The following EXT1 variants were observed in gnomAD, a reference collection of about 807,000 sequenced individuals.
EXT1 encodes exostosin-1.
A neutral mutation model predicts 82.5 loss-of-function variants in EXT1; 20 were observed. The observed-to-expected ratio is 0.24, with a 90% CI of 0.17 to 0.35. EXT1 has a LOEUF of 0.35. EXT1 is among the 10% of genes least tolerant of loss of function. The pLI, the probability that EXT1 is intolerant of heterozygous loss-of-function variation, is 1.00. For missense variants in EXT1, 757 were observed against 936.5 expected, an observed-to-expected ratio of 0.81 and a Z score of 2.50; for synonymous variants, 348 against 350.8, an observed-to-expected ratio of 0.99 and a Z score of 0.09.
rs566426617 is a variant in EXT1, at chr8:117,991,137, C to T, written c.962+118948G>A. On this transcript the variant is annotated intron_variant, in intron 1 of 10. Coordinates refer to ENST00000378204, the MANE Select transcript of EXT1 (RefSeq NM_000127.3). ...TTTTTTTTTTTTTTAGATGGACCCT[C>T]GCTCTGTCACCCAGACTAGATGGAG... 2.8e-4 allele frequency among the ~76,000 whole-genome samples: 43 copies of T among 151,242 alleles called. 1 individual carries two copies. In the South Asian group the frequency reaches 6.7e-3, roughly 24 times the overall value.
chr8:117,811,719 C>T (rs1430588445), intron 8 of EXT1, among the ~76,000 whole-genome samples: 5 of 151,758 alleles, frequency 3.3e-5, no homozygotes, highest in African/African-American at 7.3e-5. Flanking sequence ...TAGGTTCAAG[C>T]GATTCTCCTG....
intron 1 of EXT1, among the ~76,000 whole-genome samples, chr8:117,852,044 T>C (rs1046138108): frequency 2.0e-5 from 3 of 152,226 alleles, no homozygotes; most frequent in Non-Finnish European, 2.9e-5. Flanking sequence ...TTATGTCCAT[T>C]TGGCCATTTG....
chr8:117,944,724 A>G (rs1814353270), intron 1 of EXT1, among the ~76,000 whole-genome samples: 1 of 151,992 alleles, frequency 6.6e-6, no homozygotes. Flanking sequence ...AGAACAGGCA[A>G]TTTTCATTAC....
intron 1 of EXT1, among the ~76,000 whole-genome samples, chr8:118,065,488 T>C (rs1399899786): frequency 2.0e-5 from 3 of 152,162 alleles, no homozygotes; most frequent in African/African-American, 7.2e-5. Flanking sequence ...TTTCACAAAG[T>C]TGCATCAAAA....
chr8:118,017,997 T>C (rs1027992323), intron 1 of EXT1, among the ~76,000 whole-genome samples: 2 of 152,250 alleles, frequency 1.3e-5, no homozygotes, highest in African/African-American at 2.4e-5. Flanking sequence ...AAGGGGATTA[T>C]AGTGCTATTC....
At position 118,111,507 on chromosome 8, in the gene EXT1, G is replaced by C; in HGVS notation, c.-461C>G. 2.0e-6 allele frequency: 1 copy of C among 491,620 alleles called. No homozygotes were observed. The highest frequency in any genetic ancestry group is 3.6e-6 in the Non-Finnish European group (1 of 281,448). 30.5% of individuals were successfully genotyped at this position (491,620 alleles called of 1,614,324 possible). Reference sequence around the variant, plus strand: ...CAACTCATCCACCACTCTCCGTGCAGAGCACTCCGGTTCCAACAAGTCAGC... The same window carrying C: ...CAACTCATCCACCACTCTCCGTGCACAGCACTCCGGTTCCAACAAGTCAGC... On this transcript the variant is annotated 5_prime_UTR_variant, in exon 1 of 11. Coordinates refer to ENST00000378204, the MANE Select transcript of EXT1 (RefSeq NM_000127.3).
At chr8:118,054,648 G>A (rs1249446084) in intron 1 of EXT1, among the ~76,000 whole-genome samples, 4 of 152,156 alleles carry the variant, frequency 2.6e-5, no homozygotes, top group Non-Finnish European at 4.4e-5. Context: ...AGGTAAAGGA[G>A]TTCAAAAGCT....
intron 7 of EXT1, among the ~76,000 whole-genome samples, chr8:117,816,588 T>C (rs1402966803): frequency 1.3e-5 from 2 of 152,162 alleles, no homozygotes; most frequent in Non-Finnish European, 2.9e-5. Context: ...GGGGCCTGAA[T>C]ATAGATGCAG....
At chr8:117,987,306 T>A (rs1295240671) in intron 1 of EXT1, among the ~76,000 whole-genome samples, 2 of 152,206 alleles carry the variant, frequency 1.3e-5, no homozygotes, top group African/African-American at 4.8e-5. Context: ...TTTCTTTCAG[T>A]GACCAGACAC....
At chr8:117,846,656 C>T (rs1812367002) in intron 1 of EXT1, among the ~76,000 whole-genome samples, 1 of 152,100 alleles carries the variant, frequency 6.6e-6, no homozygotes, top group Non-Finnish European at 1.5e-5. Flanking sequence ...CACACAGGCC[C>T]AATGGTGATG....
At chr8:117,901,336 C>A (rs1233053162) in intron 1 of EXT1, among the ~76,000 whole-genome samples, 1 of 152,122 alleles carries the variant, frequency 6.6e-6, no homozygotes, top group Non-Finnish European at 1.5e-5. Flanking sequence ...TGTGTATCAA[C>A]ACATATCTAA....
rs1268352436 is a variant in EXT1 at position 117,968,578 on chromosome 8, T to A, written c.963-131377A>T. 2.6e-5 allele frequency among the ~76,000 whole-genome samples: 2 copies of A among 77,776 alleles called. 1 individual carries two copies. 51.0% of individuals were successfully genotyped at this position (77,776 alleles called of 152,430 possible). ...ATTTTTTTTTTTTTTTTTTTTTTTT[T>A]TTTTTTTTTGAGACGGAGTCTCACT... On this transcript the variant is annotated intron_variant, in intron 1 of 10. Coordinates refer to ENST00000378204, the MANE Select transcript of EXT1 (RefSeq NM_000127.3).
intron 1 of EXT1, among the ~76,000 whole-genome samples, chr8:117,848,220 C>T (rs544022796): frequency 6.6e-6 from 1 of 152,302 alleles, no homozygotes; most frequent in East Asian, 1.9e-4. Flanking sequence ...TGGGACATAA[C>T]ATTTGGGTTA....
At chr8:117,871,771 C>A (rs935387514) in intron 1 of EXT1, among the ~76,000 whole-genome samples, 1 of 152,114 alleles carries the variant, frequency 6.6e-6, no homozygotes. Flanking sequence ...TCTAAAACTG[C>A]TTCCACAGTA....
chr8:118,033,396 A>C (rs1816367564), intron 1 of EXT1, among the ~76,000 whole-genome samples: 1 of 152,216 alleles, frequency 6.6e-6, no homozygotes, highest in Non-Finnish European at 1.5e-5. Flanking sequence ...CAGACTCTTA[A>C]CTTACTTAAG....
intron 1 of EXT1, among the ~76,000 whole-genome samples, chr8:117,980,679 G>T (rs1487333863): frequency 8.5e-6 from 1 of 117,332 alleles, no homozygotes; most frequent in African/African-American, 2.8e-5. Flanking sequence ...GGGAAGGTTT[G>T]TTTGTTCGGG....
At chr8:117,968,102 A>C (rs546573664) in intron 1 of EXT1, among the ~76,000 whole-genome samples, 23 of 152,166 alleles carry the variant, frequency 1.5e-4, no homozygotes, top group African/African-American at 5.3e-4. Flanking sequence ...ATAAACAATA[A>C]AATTTACTTT....
chr8:117,977,988 T>A (rs1203319766), intron 1 of EXT1, among the ~76,000 whole-genome samples: 1 of 152,188 alleles, frequency 6.6e-6, no homozygotes, highest in Non-Finnish European at 1.5e-5. Flanking sequence ...AAGAAAAGAA[T>A]TCCTGACCAC....
intron 1 of EXT1, among the ~76,000 whole-genome samples, chr8:117,853,791 G>A (rs1812494594): frequency 6.6e-6 from 1 of 152,174 alleles, no homozygotes; most frequent in African/African-American, 2.4e-5. Flanking sequence ...ACATTTTGAT[G>A]GTAATTAAAA....
Sources: gnomAD v4.1 joint callset for allele counts (sites outside exome capture counted in the v4.1 genomes callset) on GRCh38, gnomAD v4.1.1 for gene constraint, MANE v1.5 for transcripts, NCBI Gene and HGNC (gene_info 2026-07-23, HGNC 2026-07-21) for gene names.